PODXL2: variants seen among roughly 807,000 people sequenced by gnomAD.
PODXL2 encodes the protein podocalyxin-like protein 2.
PODXL2 carries 17 observed loss-of-function variants against 53.4 expected under a neutral mutation model. That is an observed-to-expected ratio of 0.32 (90% CI 0.22 to 0.48). The LOEUF (loss-of-function observed/expected upper bound fraction) is 0.48. Among genes scored for constraint, PODXL2 ranks in the 20% least tolerant of loss-of-function variants. The pLI, the probability that PODXL2 is intolerant of heterozygous loss-of-function variation, is 0.99. For missense variants in PODXL2, 673 were observed against 760.0 expected, an observed-to-expected ratio of 0.89 and a Z score of 1.35; for synonymous variants, 311 against 306.7, an observed-to-expected ratio of 1.01 and a Z score of -0.15.
intron 2 of PODXL2, among the ~76,000 whole-genome samples, chr3:127,656,571 C>T (rs936752627): frequency 1.3e-5 from 2 of 151,748 alleles, no homozygotes; most frequent in African/African-American, 4.8e-5. Flanking sequence ...CCTGTCTCTA[C>T]TAAAAATACA....
At chr3:127,657,575 C>T (rs941514128) in intron 2 of PODXL2, among the ~76,000 whole-genome samples, 3 of 152,206 alleles carry the variant, frequency 2.0e-5, no homozygotes, top group African/African-American at 7.2e-5. Context: ...GCATCTCTCC[C>T]GAATCACTGC....
chr3:127,658,875 A>G (rs1435616484), intron 2 of PODXL2, among the ~76,000 whole-genome samples: 1 of 151,908 alleles, frequency 6.6e-6, no homozygotes, highest in African/African-American at 2.4e-5. Flanking sequence ...TGTTGGTTCT[A>G]TCTTTCCAGA....
At chr3:127,630,496 C>T (rs1169705503) in intron 1 of PODXL2, among the ~76,000 whole-genome samples, 2 of 152,190 alleles carry the variant, frequency 1.3e-5, no homozygotes, top group East Asian at 1.9e-4. Context: ...AAGACACAGG[C>T]ACTTTGTGTC....
chr3:127,641,457 C>T (rs2074619779), intron 2 of PODXL2, among the ~76,000 whole-genome samples: 2 of 151,942 alleles, frequency 1.3e-5, no homozygotes, highest in South Asian at 2.1e-4. Context: ...GATCCTCCTC[C>T]CTTGGCCTCC....
At position 127,660,811 on chromosome 3, in the gene PODXL2, C is replaced by T. The variant is rs1393456551; in HGVS notation, c.783C>T (p.Thr261=). 6.2e-7 allele frequency: 1 copy of T among 1,614,238 alleles called. No individual in the cohort carries two copies. The highest frequency in any genetic ancestry group is 1.3e-5 in the African/African-American group (1 of 75,064). Residue 261 remains threonine (T), a synonymous_variant, in exon 3 of 8, where the codon ACC becomes ACT. Transcript: ENST00000342480. ...TTVTPGDQDS[T]SQEAEATVLP... ...TGACTCCGGGGGACCAGGACTCCAC[C>T]AGCCAAGAGGCAGAGGCCACAGTGC...
At position 127,629,829 on chromosome 3, in the gene PODXL2, G is replaced by T. The variant is rs1242740643; in HGVS notation, c.70+540G>T. ...GAGTGTGAGTGTGTCACGGTGAATG[G>T]GTATTCTCTCCTGTTCTGGGCGACT... On this transcript the variant is annotated intron_variant, in intron 1 of 7. Coordinates refer to ENST00000342480, the MANE Select transcript of PODXL2 (RefSeq NM_015720.4). This position sits in a 1 kb window ranked among gnomAD's most constrained non-coding sequence, Gnocchi z 6.4. 1.3e-5 allele frequency among the ~76,000 whole-genome samples: 2 copies of T among 152,110 alleles called. No individual in the cohort carries two copies. Among genetic ancestry groups the T allele is most frequent in the Non-Finnish European group, 2.9e-5 (2 of 68,016 alleles).
rs2074634601 is a variant in PODXL2, at chr3:127,643,555, T to A, written c.349+4032T>A. Among the ~76,000 whole-genome samples, 3 of 152,206 alleles carry A rather than the reference T, an allele frequency of 2.0e-5. No homozygotes were observed. In the South Asian group the frequency reaches 6.2e-4, roughly 32 times the overall value. On this transcript the variant is annotated intron_variant, in intron 2 of 7. Transcript: ENST00000342480. ...TTTTTATGTGTTTTTCTTTACTTTA[T>A]GATTAGAAAATACTTTCTGCCCTTG...
At position 127,629,589 on chromosome 3, in the gene PODXL2, G is replaced by A. The variant is rs901210159; in HGVS notation, c.70+300G>A. 6.6e-6 allele frequency among the ~76,000 whole-genome samples: 1 copy of A among 151,794 alleles called. No homozygotes were observed. Among genetic ancestry groups the A allele is most frequent in the African/African-American group, 2.4e-5 (1 of 41,390 alleles). ...GCAGGTGCGCAGGCTGCTGCCTCGC[G>A]GGCCGGGGGGGCGCGCACGTGTGGG... On this transcript the variant is annotated intron_variant, in intron 1 of 7. Coordinates refer to ENST00000342480, the MANE Select transcript of PODXL2 (RefSeq NM_015720.4). This position sits in a 1 kb window ranked among gnomAD's most constrained non-coding sequence, Gnocchi z 6.4.
chr3:127,636,900 T>G (rs1453205413), intron 1 of PODXL2, among the ~76,000 whole-genome samples: 2 of 152,200 alleles, frequency 1.3e-5, no homozygotes, highest in Non-Finnish European at 2.9e-5. Flanking sequence ...CTTGGTTCAC[T>G]GCAATCTCTG....
rs183376580 is a variant in PODXL2, at chr3:127,665,959, C to T, written c.1207-2482C>T. 50 of 468,422 alleles carry T rather than the reference C, an allele frequency of 1.1e-4. No homozygotes were observed. In the East Asian group the frequency reaches 1.4e-3, roughly 13 times the overall value. The allele number at this position is 468,422 out of a possible 1,614,324, so 29.0% of individuals were successfully genotyped here. A position where few individuals can be genotyped will look rare whatever the true frequency, so the allele number is the denominator to read the frequency against. On this transcript the variant is annotated intron_variant, in intron 4 of 7. Coordinates refer to ENST00000342480, the MANE Select transcript of PODXL2 (RefSeq NM_015720.4). ...CTAAGATCTGGGCCCCAGGTGTGCT[C>T]ATGGCTACTGGGGTGTCACTGCTTC...
intron 2 of PODXL2, among the ~76,000 whole-genome samples, chr3:127,645,936 G>A (rs1348216291): frequency 6.6e-6 from 1 of 152,224 alleles, no homozygotes; most frequent in Non-Finnish European, 1.5e-5. Context: ...GGCATGCCTG[G>A]GTTGGGAGTC....
intron 2 of PODXL2, among the ~76,000 whole-genome samples, chr3:127,641,518 ATTT>A (rs951778196): frequency 1.3e-5 from 2 of 150,104 alleles, no homozygotes; most frequent in Non-Finnish European, 3.0e-5. Context: ...TTATAACTTG[ATTT>A]TTTTTTCTTG....
chr3:127,671,723 C>T (rs564252235), intron 7 of PODXL2, 110 bp downstream of exon 7: 5 of 1,067,592 alleles, frequency 4.7e-6, no homozygotes, highest in East Asian at 4.8e-5. Flanking sequence ...CACAGGGTCC[C>T]GTGGGTGAAG....
intron 1 of PODXL2, among the ~76,000 whole-genome samples, chr3:127,633,615 T>G (rs1182315283): frequency 6.6e-6 from 1 of 152,168 alleles, no homozygotes; most frequent in East Asian, 1.9e-4. Flanking sequence ...CTACTAATTA[T>G]TTATTCAAAC....
chr3:127,669,450 G>C (rs985305846), intron 6 of PODXL2, among the ~76,000 whole-genome samples: 4 of 128,872 alleles, frequency 3.1e-5, no homozygotes, highest in African/African-American at 1.1e-4. Context: ...CCATGGGGGT[G>C]TGGGGGCTGT....
chr3:127,646,913 A>G (rs1347097339), intron 2 of PODXL2, among the ~76,000 whole-genome samples: 1 of 152,100 alleles, frequency 6.6e-6, no homozygotes, highest in Non-Finnish European at 1.5e-5. Context: ...TTGATGACAC[A>G]TGTGAGACAG....
chr3:127,660,532 G>C lies in PODXL2; in HGVS notation c.504G>C (p.Glu168Asp), dbSNP rs752379180. 6 of 1,613,944 alleles carry C rather than the reference G, an allele frequency of 3.7e-6. No individual in the cohort carries two copies. In the East Asian group the frequency reaches 1.3e-4, roughly 36 times the overall value. Reference sequence around the variant, plus strand: ...CCAGAGAGGAGGAAGAAGAGGAAGAGGAAGAGGAGGAGAGGGAGAAGGAAG... The same window carrying C: ...CCAGAGAGGAGGAAGAAGAGGAAGACGAAGAGGAGGAGAGGGAGAAGGAAG... The part of the protein sequence containing the change: ...MPPREEEEEE[E>D]EEEEREKEEV... Residue 168 changes from glutamate (E) to aspartate (D), a missense_variant, in exon 3 of 8, where the codon GAG becomes GAC. By Grantham distance (45) the Glu-to-Asp change is conservative (BLOSUM62 2). This residue lies in a region of PODXL2 where 588 missense variants were observed against 668.3 expected (regional missense o/e 0.88). Coordinates refer to ENST00000342480, the MANE Select transcript of PODXL2 (RefSeq NM_015720.4).
intron 4 of PODXL2, among the ~76,000 whole-genome samples, chr3:127,667,824 G>A (rs1173694658): frequency 5.9e-5 from 9 of 152,244 alleles, no homozygotes; most frequent in African/African-American, 7.2e-5. Context: ...GGCCTCCACC[G>A]CCTACACAAG....
chr3:127,650,643 TTTTG>T (rs1345575465), intron 2 of PODXL2, among the ~76,000 whole-genome samples: 4 of 152,134 alleles, frequency 2.6e-5, no homozygotes, highest in East Asian at 3.9e-4. Context: ...CTTTTTTGTT[TTTTG>T]TTTGTTTTTT....
Sources: allele counts gnomAD v4.1 joint callset (sites outside exome capture counted in the v4.1 genomes callset), GRCh38; gene constraint gnomAD v4.1.1; regional missense constraint gnomAD v4.1.1; non-coding constraint Gnocchi (gnomAD v3.1); transcripts MANE v1.5; gene names NCBI Gene and HGNC (gene_info 2026-07-23, HGNC 2026-07-21).